LRBA: variants seen among roughly 807,000 people sequenced by gnomAD.
LRBA encodes lipopolysaccharide-responsive and beige-like anchor protein.
A neutral mutation model predicts 330.0 loss-of-function variants in LRBA; 176 were observed. The ratio of observed to expected loss-of-function variants is 0.53; its 90% CI spans 0.47 to 0.60. LRBA has a LOEUF of 0.60. Ranked by LOEUF, LRBA falls within the 20% of genes least tolerant of loss-of-function variation. The pLI, the probability that LRBA is intolerant of heterozygous loss-of-function variation, is 0.00. For missense variants in LRBA, 3,259 were observed against 3,444.8 expected (o/e 0.95, Z 1.35); for synonymous variants, 1,230 against 1,193.0 (o/e 1.03, Z -0.64).
chr4:150,384,849 G>T (rs1742823160), intron 47 of LRBA, among the ~76,000 whole-genome samples: 1 of 151,892 alleles, frequency 6.6e-6, no homozygotes. Context: ...TTATCAGTAT[G>T]AATTTTTCAT....
intron 40 of LRBA, among the ~76,000 whole-genome samples, chr4:150,574,411 G>A (rs1467284819): frequency 6.6e-6 from 1 of 152,000 alleles, no homozygotes; most frequent in African/African-American, 2.4e-5. Flanking sequence ...TCATGTAATG[G>A]TGGAAAATTT....
chr4:150,391,099 C>T (rs1322166258), intron 47 of LRBA, among the ~76,000 whole-genome samples: 1 of 152,080 alleles, frequency 6.6e-6, no homozygotes, highest in Non-Finnish European at 1.5e-5. Context: ...AATGATGTGC[C>T]CAACTTCCTA....
chr4:150,579,101 TAG>T, intron 40 of LRBA: 1 of 371,696 alleles, frequency 2.7e-6, no homozygotes, highest in Non-Finnish European at 5.2e-6. Flanking sequence ...TTTTAGCCTC[TAG>T]AGTTTCTTTC....
At chr4:150,393,674 T>A (rs1472091744) in intron 47 of LRBA, among the ~76,000 whole-genome samples, 2 of 152,122 alleles carry the variant, frequency 1.3e-5, no homozygotes, top group Non-Finnish European at 2.9e-5. Flanking sequence ...TTTGTAGAGA[T>A]GGGGTCTTGG....
chr4:150,607,738 C>A (rs1774803191), intron 37 of LRBA, among the ~76,000 whole-genome samples: 1 of 151,760 alleles, frequency 6.6e-6, no homozygotes, highest in South Asian at 2.1e-4. Context: ...CCTCTCTCTA[C>A]AAAAGATACA....
At chr4:150,941,551 G>T (rs182206310) in intron 2 of LRBA, among the ~76,000 whole-genome samples, 2 of 152,200 alleles carry the variant, frequency 1.3e-5, no homozygotes, top group Admixed American at 1.3e-4. Context: ...ATACAATCCA[G>T]ACTTTTTTTG....
At chr4:150,982,393 T>C (rs1176525548) in intron 2 of LRBA, among the ~76,000 whole-genome samples, 1 of 152,110 alleles carries the variant, frequency 6.6e-6, no homozygotes, top group Non-Finnish European at 1.5e-5. Flanking sequence ...AAAACTAGGT[T>C]TAGAGGGAAC....
intron 40 of LRBA, among the ~76,000 whole-genome samples, chr4:150,529,225 G>A (rs577323468): frequency 6.6e-6 from 1 of 152,068 alleles, no homozygotes; most frequent in African/African-American, 2.4e-5. Context: ...TATCAAAACA[G>A]GTTATAGATT....
chr4:150,854,700 AAGAG>A (rs993812565), intron 22 of LRBA, among the ~76,000 whole-genome samples: 1 of 152,188 alleles, frequency 6.6e-6, no homozygotes, highest in African/African-American at 2.4e-5. Context: ...GCAAGAATAA[AAGAG>A]AGAGCAAGCC....
At chr4:150,581,146 A>G (rs1201165440) in intron 40 of LRBA, 3 of 185,396 alleles carry the variant, frequency 1.6e-5, no homozygotes, top group Non-Finnish European at 3.4e-5. Flanking sequence ...CAACTTAGAT[A>G]TTTTCTCTCT....
rs368349112 is a variant in LRBA at position 150,848,983 on chromosome 4, T to C, written c.4174A>G (p.Ile1392Val). The C allele has an allele frequency of 6.3e-7, 1 of 1,594,644 alleles. No individual in the cohort carries two copies. The highest frequency in any genetic ancestry group is 1.4e-5 in the African/African-American group (1 of 73,648). Reference sequence around the variant, plus strand: ...ATTGAAAGGCCTTGAGTAGGTTCAATATTTTCCAGTTCATGCTGTAAAGAA... The same window carrying C: ...ATTGAAAGGCCTTGAGTAGGTTCAACATTTTCCAGTTCATGCTGTAAAGAA... Reference protein sequence around the residue: ...ATSATHELENIEPTQGLSIEA... With the variant: ...ATSATHELENVEPTQGLSIEA... The change falls in exon 26 of 57, where the codon ATT becomes GTT. Residue 1392 changes from isoleucine (I) to valine (V), a missense_variant. By Grantham distance (29) the Ile-to-Val change is conservative. Transcript: ENST00000651943.
intron 56 of LRBA, among the ~76,000 whole-genome samples, chr4:150,275,316 C>T (rs1390884656): frequency 7.5e-6 from 1 of 132,762 alleles, no homozygotes; most frequent in Non-Finnish European, 1.6e-5. Context: ...AACCCACAGC[C>T]AATATCATAC....
chr4:150,880,307 C>A (rs930530256), intron 17 of LRBA, among the ~76,000 whole-genome samples: 3 of 152,090 alleles, frequency 2.0e-5, no homozygotes, highest in Admixed American at 2.0e-4. Flanking sequence ...ATCACGTGAG[C>A]CCAGGAATTT....
At chr4:150,571,649 GTTTTTTTTT>G (rs58652637) in intron 40 of LRBA, among the ~76,000 whole-genome samples, 9 of 74,594 alleles carry the variant, frequency 1.2e-4, no homozygotes, top group African/African-American at 4.1e-4. Context: ...CTGGTTAGTT[GTTTTTTTTT>G]TTTTTTTTTT....
intron 34 of LRBA, among the ~76,000 whole-genome samples, chr4:150,797,508 T>A (rs529962195): frequency 1.2e-4 from 18 of 151,898 alleles, no homozygotes; most frequent in African/African-American, 2.7e-4. Context: ...AAGTTTTTTT[T>A]AAAAAAATCA....
At chr4:150,301,236 T>C (rs1199473571) in intron 53 of LRBA, among the ~76,000 whole-genome samples, 2 of 152,026 alleles carry the variant, frequency 1.3e-5, no homozygotes, top group Admixed American at 6.6e-5. Context: ...TTCAAAAGAA[T>C]ATGAAAAACA....
At chr4:150,880,526 A>C (rs532476591) in intron 17 of LRBA, among the ~76,000 whole-genome samples, 1 of 152,142 alleles carries the variant, frequency 6.6e-6, no homozygotes, top group Non-Finnish European at 1.5e-5. Flanking sequence ...TCTCCAAAAA[A>C]AAAAAAAAAA....
intron 47 of LRBA, among the ~76,000 whole-genome samples, chr4:150,375,232 G>T (rs17504352): frequency 0.31 from 46,657 of 151,884 alleles, 7,456 homozygotes; most frequent in African/African-American, 0.38. Flanking sequence ...ATGTGACCCC[G>T]TTCTCCTCCT....
rs935187392 is a variant in LRBA, at chr4:150,837,188, A to G, written c.4570-5212T>C. 3.3e-5 allele frequency among the ~76,000 whole-genome samples: 5 copies of G among 152,126 alleles called. No individual in the cohort carries two copies. The East Asian group carries it at 7.7e-4, about 23-fold the overall frequency. ...TTTGTTATAATTTCTGTTCTTTTAC[A>G]TTTGCTGAGGAGTGCTTTACTTCCA... On this transcript the variant is annotated intron_variant, in intron 28 of 56. Coordinates refer to ENST00000651943, the MANE Select transcript of LRBA (RefSeq NM_001364905.1).
Sources: allele counts gnomAD v4.1 joint callset (sites outside exome capture counted in the v4.1 genomes callset), GRCh38; gene constraint gnomAD v4.1.1; transcripts MANE v1.5; gene names NCBI Gene and HGNC (gene_info 2026-07-23, HGNC 2026-07-21).